EPB41L4A: variants seen among roughly 807,000 people sequenced by gnomAD.
EPB41L4A encodes erythrocyte membrane protein band 4.1 like 4A.
Under a neutral mutation model 108.6 loss-of-function variants are expected in EPB41L4A, and 100 were observed. That is an observed-to-expected ratio of 0.92 (90% CI 0.78 to 1.09). The LOEUF (loss-of-function observed/expected upper bound fraction) is 1.09. Among genes scored for constraint, EPB41L4A ranks in the 50% least tolerant of loss-of-function variants. The pLI is 0.00. For synonymous variants in EPB41L4A, 319 were observed against 289.0 expected (o/e 1.10, Z -1.05); for missense variants, 1,030 against 842.7 (o/e 1.22, Z -2.75).
At chr5:112,259,062 T>C (rs534211063) in intron 9 of EPB41L4A, among the ~76,000 whole-genome samples, 167 bp downstream of exon 9, 27 of 152,350 alleles carry the variant, frequency 1.8e-4, no homozygotes, top group African/African-American at 6.5e-4. Context: ...CTCACTCATT[T>C]CTATTCACTT....
chr5:112,356,762 C>T (rs1423386308), intron 1 of EPB41L4A, among the ~76,000 whole-genome samples: 1 of 152,162 alleles, frequency 6.6e-6, no homozygotes, highest in Non-Finnish European at 1.5e-5. Context: ...TGACAGCGAT[C>T]TCAGTAACAC....
At chr5:112,321,017 G>A (rs1284121330) in intron 1 of EPB41L4A, among the ~76,000 whole-genome samples, 4 of 152,186 alleles carry the variant, frequency 2.6e-5, no homozygotes, top group South Asian at 2.1e-4. Flanking sequence ...AGAAAGGGTC[G>A]TGAGATTACA....
chr5:112,359,577 G>C (rs1299475474), intron 1 of EPB41L4A, among the ~76,000 whole-genome samples: 1 of 147,200 alleles, frequency 6.8e-6, no homozygotes, highest in African/African-American at 2.5e-5. Flanking sequence ...GTCTTGCTCT[G>C]TCGCCCAGGC....
intron 13 of EPB41L4A, 106 bp from the exon 14 acceptor site, chr5:112,205,610 A>G: frequency 1.2e-6 from 1 of 857,030 alleles, no homozygotes; most frequent in Non-Finnish European, 1.8e-6. Flanking sequence ...TAAGATGTGC[A>G]CACTTATTTG....
Position 112,321,035 on chromosome 5 carries a change from G to A in EPB41L4A, c.100-13545C>T, listed in dbSNP as rs887466400. Among the ~76,000 whole-genome samples, 56 of 152,192 alleles carry A rather than the reference G, an allele frequency of 3.7e-4. 1 individual carries two copies. The highest frequency in any genetic ancestry group is 1.3e-3 in the African/African-American group (54 of 41,442). Reference sequence around the variant, plus strand: ...AAGGGTCGTGAGATTACAGGCCATCGAGACTTCAGGGTGTTCATATCTTGC... The same window carrying A: ...AAGGGTCGTGAGATTACAGGCCATCAAGACTTCAGGGTGTTCATATCTTGC... On this transcript the variant is annotated intron_variant, in intron 1 of 22. Coordinates refer to ENST00000261486, the MANE Select transcript of EPB41L4A (RefSeq NM_022140.5).
At chr5:112,329,871 C>G (rs1166568081) in intron 1 of EPB41L4A, among the ~76,000 whole-genome samples, 3 of 151,912 alleles carry the variant, frequency 2.0e-5, no homozygotes, top group African/African-American at 7.3e-5. Context: ...TCTGCCACAT[C>G]AAAAAGAGAG....
At chr5:112,243,258 CAT>C (rs199895675) in intron 9 of EPB41L4A, among the ~76,000 whole-genome samples, 2,192 of 139,788 alleles carry the variant, frequency 0.016, 26 homozygotes, top group South Asian at 0.04. Context: ...CACACACACA[CAT>C]ATATATATGT....
chr5:112,386,742 T>G (rs1561631440), intron 1 of EPB41L4A, among the ~76,000 whole-genome samples: 1 of 152,218 alleles, frequency 6.6e-6, no homozygotes, highest in Non-Finnish European at 1.5e-5. Flanking sequence ...TTCAGTCATT[T>G]TGACTGGATA....
At chr5:112,303,804 A>G (rs1165456021) in intron 2 of EPB41L4A, among the ~76,000 whole-genome samples, 1 of 152,132 alleles carries the variant, frequency 6.6e-6, no homozygotes, top group Non-Finnish European at 1.5e-5. Context: ...AATGTAAGAA[A>G]CTTAGACAAG....
rs572776544 is a variant in EPB41L4A, at chr5:112,335,039, C to G, written c.100-27549G>C. Among the ~76,000 whole-genome samples the G allele has an allele frequency of 2.0e-4, 31 of 152,172 alleles. No individual in the cohort carries two copies. In the South Asian group the frequency reaches 6.4e-3, roughly 32 times the overall value. On this transcript the variant is annotated intron_variant, in intron 1 of 22. Transcript: ENST00000261486. ...AAAGTCATGTTCATTTTCGTGAAGT[C>G]AATATGGCCCAGGAATAACCACTCT... is the stretch of plus-strand genomic sequence containing the variant.
chr5:112,418,880 C>T (rs1762885377), intron 1 of EPB41L4A, 61 bp downstream of exon 1: 7 of 1,369,328 alleles, frequency 5.1e-6, no homozygotes, highest in Admixed American at 1.7e-5. Flanking sequence ...GCCCTCAAAG[C>T]GATGGACCCC....
chr5:112,203,729 A>G (rs1762327842), intron 15 of EPB41L4A, among the ~76,000 whole-genome samples: 1 of 152,088 alleles, frequency 6.6e-6, no homozygotes. Context: ...GAAACACTTA[A>G]TATGTTTTAT....
At chr5:112,390,222 T>G (rs1025624876) in intron 1 of EPB41L4A, among the ~76,000 whole-genome samples, 2 of 151,818 alleles carry the variant, frequency 1.3e-5, no homozygotes, top group Admixed American at 6.6e-5. Context: ...CCACAGAGGG[T>G]GAGCCAAAGC....
At chr5:112,333,183 T>C (rs1299541037) in intron 1 of EPB41L4A, among the ~76,000 whole-genome samples, 1 of 152,180 alleles carries the variant, frequency 6.6e-6, no homozygotes, top group African/African-American at 2.4e-5. Context: ...CAGATCACAG[T>C]TGAGTCTCTG....
intron 1 of EPB41L4A, among the ~76,000 whole-genome samples, chr5:112,384,123 A>G (rs1760345429): frequency 6.6e-6 from 1 of 152,154 alleles, no homozygotes; most frequent in South Asian, 2.1e-4. Context: ...GGTGATAGCT[A>G]AAGGATACAA....
rs569878802 is a variant in EPB41L4A, at chr5:112,205,378, C to G, written c.1262+43G>C. On this transcript the variant is annotated intron_variant, in intron 14 of 22. Transcript: ENST00000261486. ...ATTCAATGAGCTGCATGTACTAACC[C>G]CTTTTCTACTGTCTCCTTTATAAAA... is the stretch of plus-strand genomic sequence containing the variant. 15 of 1,493,972 alleles carry G rather than the reference C, an allele frequency of 1.0e-5. No homozygotes were observed. The South Asian group carries it at 1.7e-4, about 17-fold the overall frequency. 92.5% of individuals were successfully genotyped at this position (1,493,972 alleles called of 1,614,324 possible).
intron 22 of EPB41L4A, among the ~76,000 whole-genome samples, chr5:112,166,009 C>G (rs1760219674): frequency 6.6e-6 from 1 of 152,064 alleles, no homozygotes; most frequent in African/African-American, 2.4e-5. Flanking sequence ...GAAGAGAACA[C>G]CAGTGAATGT....
At chr5:112,401,027 A>T (rs1228789853) in intron 1 of EPB41L4A, among the ~76,000 whole-genome samples, 1 of 152,120 alleles carries the variant, frequency 6.6e-6, no homozygotes, top group Non-Finnish European at 1.5e-5. Flanking sequence ...AAAAATCAAA[A>T]TACTCATGAG....
chr5:112,166,251 AAAG>A (rs1438829746), intron 22 of EPB41L4A, among the ~76,000 whole-genome samples: 1 of 152,238 alleles, frequency 6.6e-6, no homozygotes, highest in Non-Finnish European at 1.5e-5. Flanking sequence ...ATTAGAACTT[AAAG>A]TTGTACCTTA....
Sources: allele counts gnomAD v4.1 joint callset (sites outside exome capture counted in the v4.1 genomes callset), GRCh38; gene constraint gnomAD v4.1.1; transcripts MANE v1.5; gene names NCBI Gene and HGNC (gene_info 2026-07-23, HGNC 2026-07-21).